The following TNFRSF21 variants were observed in gnomAD, a reference collection of about 807,000 sequenced individuals.
TNFRSF21 encodes TNF receptor superfamily member 21, also known as tumor necrosis factor receptor superfamily member 21.
Under a neutral mutation model 45.6 loss-of-function variants are expected in TNFRSF21, and 19 were observed. That is an observed-to-expected ratio of 0.42 (90% CI 0.29 to 0.61). The LOEUF (loss-of-function observed/expected upper bound fraction) is 0.61, where lower values mean the gene tolerates loss of function less well. Ranked by LOEUF, TNFRSF21 falls within the 20% of genes least tolerant of loss-of-function variation. The pLI, the probability that TNFRSF21 is intolerant of heterozygous loss-of-function variation, is 0.23. For missense variants in TNFRSF21, 737 were observed against 851.5 expected (o/e 0.87, Z 1.67); for synonymous variants, 314 against 335.5 (o/e 0.94, Z 0.70).
chr6:47,292,163 G>A (rs567055883), intron 1 of TNFRSF21, among the ~76,000 whole-genome samples: 1 of 152,268 alleles, frequency 6.6e-6, no homozygotes, highest in Admixed American at 6.5e-5. Context: ...ACAACAAGGT[G>A]AGATGCCACC....
In TNFRSF21 at chr6:47,232,654, CACACAA is replaced by C. The variant is rs1442658035; in HGVS notation, c.*105_*110del. 49 of 858,322 alleles carry C rather than the reference CACACAA, an allele frequency of 5.7e-5. No individual in the cohort carries two copies. Among genetic ancestry groups the C allele is most frequent in the South Asian group, 8.4e-5 (5 of 59,782 alleles). 53.2% of individuals were successfully genotyped at this position (858,322 alleles called of 1,614,324 possible). ...ACACACACACACACACACACACACA[CACACAA>C]ACACACACACACACCCCAAACAACA... On this transcript the variant is annotated 3_prime_UTR_variant, in exon 6 of 6. Coordinates refer to ENST00000296861, the MANE Select transcript of TNFRSF21 (RefSeq NM_014452.5).
Position 47,283,949 on chromosome 6 carries a change from C to G in TNFRSF21, c.1232G>C (p.Cys411Ser). ...GAGAGAAGGCTCACCATGGCCATTG[C>G]AGTAGTAGATCCATTTCTCCCGGTT... ...TQNREKWIYY[C>S]NGHGIDILKL... The change falls in exon 3 of 6, where the codon TGC (cysteine) becomes TCC (serine). Residue 411 changes from cysteine (C) to serine (S), a missense_variant. Cys to Ser is a moderately radical substitution (Grantham distance 112). Transcript: ENST00000296861. 6.2e-7 allele frequency: 1 copy of G among 1,613,232 alleles called. No individual in the cohort carries two copies. Among genetic ancestry groups the G allele is most frequent in the Non-Finnish European group, 8.5e-7 (1 of 1,179,652 alleles).
At chr6:47,259,486 G>C (rs544361153) in intron 3 of TNFRSF21, among the ~76,000 whole-genome samples, 1 of 151,886 alleles carries the variant, frequency 6.6e-6, no homozygotes, top group South Asian at 2.1e-4. Context: ...GAGATTCTCC[G>C]GCCTCAGGCT....
At chr6:47,233,850 T>G (rs186948644) in intron 5 of TNFRSF21, among the ~76,000 whole-genome samples, 7 of 152,200 alleles carry the variant, frequency 4.6e-5, no homozygotes, top group African/African-American at 1.7e-4. Context: ...AAATAGTGTA[T>G]GCTAATTCCC....
At chr6:47,294,951 T>G (rs1430521751) in intron 1 of TNFRSF21, among the ~76,000 whole-genome samples, 1 of 152,244 alleles carries the variant, frequency 6.6e-6, no homozygotes, top group African/African-American at 2.4e-5. Flanking sequence ...TTTAGTTATG[T>G]GGAAAATTTC....
At position 47,289,811 on chromosome 6, in the gene TNFRSF21, T is replaced by C. The variant is rs552983147; in HGVS notation, c.97-3216A>G. ...GAGTTCAAGACCAGCTTGGTCAACA[T>C]GGTGAAATCCCGTCTCTACTAAAAA... On this transcript the variant is annotated intron_variant, in intron 1 of 5. Coordinates refer to ENST00000296861, the MANE Select transcript of TNFRSF21 (RefSeq NM_014452.5). Among the ~76,000 whole-genome samples, 4 of 152,210 alleles carry C rather than the reference T, an allele frequency of 2.6e-5. No homozygotes were observed. The East Asian group carries it at 7.7e-4, about 29-fold the overall frequency.
chr6:47,298,769 T>C (rs1013339578), intron 1 of TNFRSF21, among the ~76,000 whole-genome samples: 12 of 152,198 alleles, frequency 7.9e-5, no homozygotes, highest in African/African-American at 2.9e-4. Context: ...CTATCTGGCC[T>C]TTCACAGACA....
chr6:47,232,895 C>T lies in TNFRSF21; in HGVS notation c.1838G>A (p.Arg613Gln), dbSNP rs753828283. 13 of 1,613,956 alleles carry T rather than the reference C, an allele frequency of 8.1e-6. No homozygotes were observed. In the East Asian group the frequency reaches 8.9e-5, roughly 11 times the overall value. The change falls in exon 6 of 6, where the codon CGG (arginine) becomes CAG (glutamine). Residue 613 changes from arginine to glutamine, a missense_variant. Transcript: ENST00000296861. The part of the protein sequence containing the change: ...MLHFLNPEEL[R>Q]VIEEIPQAED... ...AGCCTGGGGAATCTCTTCAATCACC[C>T]GCAGCTCCTCAGGATTTAGAAAGTG...
chr6:47,279,938 T>C (rs1049830723), intron 3 of TNFRSF21, among the ~76,000 whole-genome samples: 4 of 152,176 alleles, frequency 2.6e-5, no homozygotes, highest in Non-Finnish European at 5.9e-5. Flanking sequence ...TATTCTTCCA[T>C]CTCCTAGCCA....
chr6:47,248,128 T>C (rs1264401401), intron 4 of TNFRSF21, among the ~76,000 whole-genome samples: 3 of 152,210 alleles, frequency 2.0e-5, no homozygotes, highest in African/African-American at 7.2e-5. Flanking sequence ...TTTAAGTATC[T>C]ATAAAATTTC....
chr6:47,242,446 A>G (rs886662378), intron 4 of TNFRSF21, among the ~76,000 whole-genome samples: 2 of 152,156 alleles, frequency 1.3e-5, no homozygotes, highest in Non-Finnish European at 2.9e-5. Flanking sequence ...GTTAATTTCA[A>G]AATTGAGCCC....
chr6:47,285,112 G>A (rs1233188642), intron 2 of TNFRSF21, among the ~76,000 whole-genome samples: 2 of 152,166 alleles, frequency 1.3e-5, no homozygotes, highest in African/African-American at 4.8e-5. Flanking sequence ...AGCTCTTGGA[G>A]GCTGTTTCTT....
At chr6:47,286,694 T>A (rs1387711160) in intron 1 of TNFRSF21, 99 bp from the exon 2 acceptor site, 2 of 1,284,204 alleles carry the variant, frequency 1.6e-6, no homozygotes, top group Non-Finnish European at 2.1e-6. Context: ...ACCACCATCA[T>A]CATTCCTGTT....
chr6:47,235,753 A>C (rs569594340), intron 4 of TNFRSF21, among the ~76,000 whole-genome samples: 1 of 152,314 alleles, frequency 6.6e-6, no homozygotes, highest in African/African-American at 2.4e-5. Context: ...AAACTGCTAA[A>C]ATTAAGAATG....
intron 1 of TNFRSF21, among the ~76,000 whole-genome samples, chr6:47,308,010 A>G (rs1762963729): frequency 1.3e-5 from 2 of 152,186 alleles, no homozygotes; most frequent in South Asian, 4.2e-4. Context: ...ATCCAGGTTC[A>G]TTGTCCCAAG....
At chr6:47,255,608 C>T (rs1764974555) in intron 3 of TNFRSF21, among the ~76,000 whole-genome samples, 1 of 152,000 alleles carries the variant, frequency 6.6e-6, no homozygotes. Flanking sequence ...ATTACAGACA[C>T]CCACCACCAC....
intron 1 of TNFRSF21, among the ~76,000 whole-genome samples, chr6:47,296,310 A>G (rs1762788613): frequency 6.6e-6 from 1 of 152,150 alleles, no homozygotes; most frequent in African/African-American, 2.4e-5. Flanking sequence ...TTAATATTTT[A>G]GTCTATAGTG....
At chr6:47,283,568 C>G (rs1180718735) in intron 3 of TNFRSF21, among the ~76,000 whole-genome samples, 1 of 152,162 alleles carries the variant, frequency 6.6e-6, no homozygotes, top group Non-Finnish European at 1.5e-5. Context: ...GAGTCTCGTC[C>G]CATCTGTCCT....
intron 4 of TNFRSF21, among the ~76,000 whole-genome samples, chr6:47,240,776 T>G (rs766031835): frequency 1.3e-5 from 2 of 152,154 alleles, no homozygotes; most frequent in African/African-American, 2.4e-5. Context: ...CTAAGATAAA[T>G]ATGAGAGATT....
Sources: allele counts gnomAD v4.1 joint callset (sites outside exome capture counted in the v4.1 genomes callset), GRCh38; gene constraint gnomAD v4.1.1; transcripts MANE v1.5; gene names NCBI Gene and HGNC (gene_info 2026-07-23, HGNC 2026-07-21).